Variants in PTBP3 observed in about 807,000 individuals in gnomAD.
The protein encoded by PTBP3 is polypyrimidine tract-binding protein 3.
PTBP3 carries 20 observed loss-of-function variants against 58.7 expected under a neutral mutation model. The ratio of observed to expected loss-of-function variants is 0.34; its 90% confidence interval spans 0.24 to 0.50. The LOEUF is 0.50. PTBP3 is among the 20% of genes least tolerant of loss of function. The pLI is 0.98. For missense variants in PTBP3, 509 were observed against 637.2 expected (o/e 0.80, Z 2.17); for synonymous variants, 185 against 219.8 (o/e 0.84, Z 1.40).
chr9:112,256,864 T>G (rs1013867107), intron 5 of PTBP3, among the ~76,000 whole-genome samples: 2 of 151,054 alleles, frequency 1.3e-5, no homozygotes, highest in Non-Finnish European at 3.0e-5. Context: ...AAGCTTTCAT[T>G]TTTTCTTTTT....
the PTBP3 span, among the ~76,000 whole-genome samples, chr9:112,349,132 C>G: frequency 1.3e-5 from 2 of 152,008 alleles, no homozygotes; most frequent in Non-Finnish European, 2.9e-5. Flanking sequence ...GGTAGATCCT[C>G]TAGGTAGCCT....
chr9:112,349,863 CAAAAAAAAAAAAAA>C, the PTBP3 span, among the ~76,000 whole-genome samples: 117 of 49,710 alleles, frequency 2.4e-3, 3 homozygotes, highest in African/African-American at 9.4e-3. Flanking sequence ...GACTCTGTCT[CAAAAAAAAAAAAAA>C]AAAAAAAAAA....
At position 112,220,308 on chromosome 9, in the gene PTBP3, G is replaced by A. The variant is rs777392220; in HGVS notation, c.*3543C>T. 2.4e-5 allele frequency: 31 copies of A among 1,311,086 alleles called. No individual in the cohort carries two copies. Among genetic ancestry groups the A allele is most frequent in the Non-Finnish European group, 2.8e-5 (28 of 1,000,532 alleles). 81.2% of individuals were successfully genotyped at this position (1,311,086 alleles called of 1,614,324 possible). A position where few individuals can be genotyped will look rare whatever the true frequency, so the allele number is the denominator to read the frequency against. On this transcript the variant is annotated 3_prime_UTR_variant, in exon 14 of 14. Transcript: ENST00000374257. ...GAGCCAGGCGTGGTGGCTCATGCCT[G>A]TAATCCCAGCACTGTGGGGAGGTGG...
chr9:112,245,293 C>T (rs557544374), intron 7 of PTBP3, among the ~76,000 whole-genome samples: 3 of 152,126 alleles, frequency 2.0e-5, no homozygotes, highest in East Asian at 3.9e-4. Context: ...CTGGGCAGAG[C>T]GAGACTCTGC....
intron 4 of PTBP3, among the ~76,000 whole-genome samples, chr9:112,265,610 G>A (rs1836769032): frequency 6.6e-6 from 1 of 152,076 alleles, no homozygotes; most frequent in African/African-American, 2.4e-5. Flanking sequence ...AATTCAAAAG[G>A]TAGTAAAGGT....
At chr9:112,256,065 C>A (rs968715294) in intron 5 of PTBP3, among the ~76,000 whole-genome samples, 1 of 151,760 alleles carries the variant, frequency 6.6e-6, no homozygotes, top group Non-Finnish European at 1.5e-5. Context: ...ACCAGGGTGG[C>A]CAACATGGTG....
intron 1 of PTBP3, among the ~76,000 whole-genome samples, chr9:112,313,412 A>T (rs1184183861): frequency 6.6e-6 from 1 of 152,206 alleles, no homozygotes; most frequent in Non-Finnish European, 1.5e-5. Flanking sequence ...TTTATTCACC[A>T]TTGTGAGCAG....
intron 1 of PTBP3, among the ~76,000 whole-genome samples, chr9:112,309,392 T>C (rs1045491267): frequency 2.0e-5 from 3 of 152,212 alleles, no homozygotes; most frequent in East Asian, 1.9e-4. Context: ...TATGCATGTA[T>C]TGATTATGGT....
chr9:112,289,132 C>A (rs975897092), intron 2 of PTBP3, among the ~76,000 whole-genome samples: 1 of 152,140 alleles, frequency 6.6e-6, no homozygotes, highest in Non-Finnish European at 1.5e-5. Flanking sequence ...AAATGATACG[C>A]GCTGCTTTTC....
intron 1 of PTBP3, chr9:112,333,110 T>C: frequency 8.0e-7 from 1 of 1,254,318 alleles, no homozygotes; most frequent in Non-Finnish European, 1.0e-6. Flanking sequence ...CACCATTTTC[T>C]GAGAGGAAGT....
chr9:112,237,171 T>C (rs1253646390), intron 7 of PTBP3, among the ~76,000 whole-genome samples: 1 of 152,172 alleles, frequency 6.6e-6, no homozygotes, highest in Admixed American at 6.5e-5. Context: ...ACTGTTTCCA[T>C]GTAAAATAAG....
At chr9:112,226,520 T>C (rs1448837366) in intron 12 of PTBP3, among the ~76,000 whole-genome samples, 1 of 152,186 alleles carries the variant, frequency 6.6e-6, no homozygotes, top group African/African-American at 2.4e-5. Flanking sequence ...CATTTTTTTG[T>C]TTTAACAATT....
chr9:112,375,795 A>G, the PTBP3 span, among the ~76,000 whole-genome samples: 1 of 152,186 alleles, frequency 6.6e-6, no homozygotes, highest in African/African-American at 2.4e-5. Flanking sequence ...CCAGTTCATG[A>G]TAGGCAGTTC....
At chr9:112,326,709 T>C (rs1193580394) in intron 1 of PTBP3, among the ~76,000 whole-genome samples, 2 of 152,226 alleles carry the variant, frequency 1.3e-5, no homozygotes, top group Non-Finnish European at 2.9e-5. Flanking sequence ...GCTACTACAG[T>C]ATTTTGAAAA....
intron 1 of PTBP3, among the ~76,000 whole-genome samples, chr9:112,302,483 A>G (rs1828979534): frequency 6.6e-6 from 1 of 151,900 alleles, no homozygotes. Flanking sequence ...TCTTAGAGAC[A>G]CTTGAGATTA....
At chr9:112,283,359 T>C (rs1297739046) in intron 2 of PTBP3, among the ~76,000 whole-genome samples, 1 of 152,174 alleles carries the variant, frequency 6.6e-6, no homozygotes, top group Non-Finnish European at 1.5e-5. Context: ...GATAGTGGTA[T>C]GGACAATGAA....
chr9:112,224,069 TA>T, intron 13 of PTBP3, 63 bp downstream of exon 13: 1 of 1,549,524 alleles, frequency 6.5e-7, no homozygotes, highest in East Asian at 2.2e-5. Flanking sequence ...TTCACTGAAC[TA>T]CCTTTAAAAT....
Position 112,222,863 on chromosome 9 carries a change from A to G in PTBP3, c.*988T>C. ...TAAGTATTAGAGATTATAGTGGTAC[A>G]AAAAACCCTTGAGATTAATTTTTTT... On this transcript the variant is annotated 3_prime_UTR_variant, in exon 14 of 14. Coordinates refer to ENST00000374257, the MANE Select transcript of PTBP3 (RefSeq NM_001163788.4). The G allele has an allele frequency of 1.1e-6, 1 of 893,568 alleles. No homozygotes were observed. The highest frequency in any genetic ancestry group is 1.3e-6 in the Non-Finnish European group (1 of 746,138). 55.4% of individuals were successfully genotyped at this position (893,568 alleles called of 1,614,324 possible). A position where few individuals can be genotyped will look rare whatever the true frequency, so the allele number is the denominator to read the frequency against.
intron 1 of PTBP3, among the ~76,000 whole-genome samples, chr9:112,300,755 G>GAA (rs111312923): frequency 7.0e-6 from 1 of 143,480 alleles, no homozygotes; most frequent in African/African-American, 2.5e-5. Flanking sequence ...CCGTCTCAAA[G>GAA]AAAAAAAAAA....
Sources: gnomAD v4.1 joint callset for allele counts (sites outside exome capture counted in the v4.1 genomes callset) on GRCh38, gnomAD v4.1.1 for gene constraint, MANE v1.5 for transcripts, NCBI Gene and HGNC (gene_info 2026-07-23, HGNC 2026-07-21) for gene names.